TNRC6B: variants seen among roughly 807,000 people sequenced by gnomAD.
TNRC6B encodes trinucleotide repeat-containing gene 6B protein.
A neutral mutation model predicts 203.6 loss-of-function variants in TNRC6B; 52 were observed. That is an observed-to-expected ratio of 0.26 (90% CI 0.20 to 0.32). The LOEUF (loss-of-function observed/expected upper bound fraction) is 0.32. Among genes scored for constraint, TNRC6B ranks in the 10% least tolerant of loss-of-function variants. The probability of loss-of-function intolerance (pLI) is 1.00; values close to 1 mark genes in which losing one functional copy is unlikely to be tolerated. For synonymous variants in TNRC6B, 838 were observed against 845.7 expected (o/e 0.99, Z 0.16); for missense variants, 1,923 against 2,286.2 (o/e 0.84, Z 3.24).
intron 8 of TNRC6B, among the ~76,000 whole-genome samples, 197 bp downstream of exon 8, chr22:40,277,348 T>C (rs2070658172): frequency 6.6e-6 from 1 of 152,238 alleles, no homozygotes; most frequent in African/African-American, 2.4e-5. Flanking sequence ...TTAAAGGTTA[T>C]GGCTTTTAAA....
At chr22:40,233,244 C>G (rs181452916) in intron 1 of TNRC6B, among the ~76,000 whole-genome samples, 88 of 152,120 alleles carry the variant, frequency 5.8e-4, no homozygotes, top group African/African-American at 2.1e-3. Context: ...AATTGCTAAA[C>G]CCTGGGGCCG....
chr22:40,106,918 A>C, intron 1 of TNRC6B: 1 of 1,003,306 alleles, frequency 1.0e-6, no homozygotes, highest in Non-Finnish European at 1.6e-6. Flanking sequence ...TTTCATGGAT[A>C]AACTTCCTCC....
At position 40,331,493 on chromosome 22, in the gene TNRC6B, C is replaced by G; in HGVS notation, c.*8252C>G. On this transcript the variant is annotated 3_prime_UTR_variant, in exon 23 of 23. Transcript: ENST00000454349. ...GAGCTCCCCCAAAGAGGAGAACAGT[C>G]CCTCCCACTCGATTCCTTCAGCTTC... 2 of 365,752 alleles carry G rather than the reference C, an allele frequency of 5.5e-6. No individual in the cohort carries two copies. The highest frequency in any genetic ancestry group is 9.4e-5 in the Admixed American group (2 of 21,238). 22.7% of individuals were successfully genotyped at this position (365,752 alleles called of 1,614,324 possible). A position where few individuals can be genotyped will look rare whatever the true frequency, so the allele number is the denominator to read the frequency against.
At chr22:40,230,548 T>C (rs1298890935) in intron 1 of TNRC6B, among the ~76,000 whole-genome samples, 2 of 152,114 alleles carry the variant, frequency 1.3e-5, no homozygotes, top group Non-Finnish European at 2.9e-5. Flanking sequence ...CACATCGGCC[T>C]CCAAGAGTGC....
chr22:40,295,749 TA>T (rs1480084873), intron 12 of TNRC6B, among the ~76,000 whole-genome samples: 4 of 152,144 alleles, frequency 2.6e-5, no homozygotes, highest in Admixed American at 2.6e-4. Flanking sequence ...TGAGGTAGAT[TA>T]AAAGAACCTT....
intron 3 of TNRC6B, among the ~76,000 whole-genome samples, chr22:40,153,568 A>G (rs765082853): frequency 2.0e-5 from 3 of 151,760 alleles, no homozygotes; most frequent in Non-Finnish European, 4.4e-5. Context: ...AAACAAAAAG[A>G]ATAAGAAGAG....
chr22:40,131,208 T>C (rs1032138762), intron 3 of TNRC6B, among the ~76,000 whole-genome samples: 3 of 152,106 alleles, frequency 2.0e-5, no homozygotes, highest in Admixed American at 6.6e-5. Context: ...GCTGAGCCAC[T>C]GTGCCCAGCG....
At chr22:40,087,717 G>C (rs2068112398) in intron 1 of TNRC6B, among the ~76,000 whole-genome samples, 1 of 152,174 alleles carries the variant, frequency 6.6e-6, no homozygotes, top group Admixed American at 6.5e-5. Flanking sequence ...AGCTATGTGT[G>C]AAGGTCCTGA....
chr22:40,129,198 A>G (rs1029126292), intron 3 of TNRC6B, among the ~76,000 whole-genome samples: 2 of 152,124 alleles, frequency 1.3e-5, no homozygotes, highest in Non-Finnish European at 2.9e-5. Flanking sequence ...ACAGGAGGTT[A>G]GAGAGAGAGA....
chr22:40,174,813 A>G (rs2069040391), upstream of TNRC6B, among the ~76,000 whole-genome samples: 1 of 151,056 alleles, frequency 6.6e-6, no homozygotes, highest in Non-Finnish European at 1.5e-5. Flanking sequence ...CGACAAAGCG[A>G]GACTCCATCT....
intron 1 of TNRC6B, among the ~76,000 whole-genome samples, chr22:40,225,467 G>A (rs986297889): frequency 5.9e-5 from 9 of 152,184 alleles, no homozygotes; most frequent in Middle Eastern, 6.3e-3. Flanking sequence ...AGTGGCTCAC[G>A]CCAGTAATCC....
At chr22:40,156,491 A>G (rs1050023946) in intron 4 of TNRC6B, among the ~76,000 whole-genome samples, 2 of 151,756 alleles carry the variant, frequency 1.3e-5, no homozygotes, top group African/African-American at 4.8e-5. Context: ...AAGAAAGTAT[A>G]AAATGGTACA....
chr22:40,234,037 A>G (rs574193580), intron 1 of TNRC6B, among the ~76,000 whole-genome samples: 1 of 152,320 alleles, frequency 6.6e-6, no homozygotes, highest in Admixed American at 6.5e-5. Context: ...TGTAATCCCA[A>G]CAGTTTGAGA....
intron 1 of TNRC6B, among the ~76,000 whole-genome samples, chr22:40,188,368 T>G (rs1373517722): frequency 6.6e-6 from 1 of 152,188 alleles, no homozygotes; most frequent in Non-Finnish European, 1.5e-5. Flanking sequence ...CTGTCAGAGT[T>G]TGGGATATCA....
intron 4 of TNRC6B, among the ~76,000 whole-genome samples, chr22:40,262,816 G>T (rs1350623989): frequency 6.6e-6 from 1 of 152,078 alleles, no homozygotes; most frequent in African/African-American, 2.4e-5. Flanking sequence ...GAGGCGGGTG[G>T]ATCACCAGGT....
intron 2 of TNRC6B, among the ~76,000 whole-genome samples, chr22:40,124,027 G>T (rs903966690): frequency 6.6e-6 from 1 of 151,960 alleles, no homozygotes; most frequent in Non-Finnish European, 1.5e-5. Flanking sequence ...GATTAAGCTG[G>T]GAGCAAGTGA....
At chr22:40,115,563 A>G (rs1568988090) in intron 1 of TNRC6B, among the ~76,000 whole-genome samples, 2 of 152,204 alleles carry the variant, frequency 1.3e-5, no homozygotes, top group Non-Finnish European at 2.9e-5. Context: ...ACTCTACCCA[A>G]TACCAAATTC....
chr22:40,070,434 G>C (rs571452853), intron 1 of TNRC6B, among the ~76,000 whole-genome samples: 1 of 152,142 alleles, frequency 6.6e-6, no homozygotes, highest in Non-Finnish European at 1.5e-5. Context: ...GGTGAAGCTC[G>C]TTGACAGAGA....
At chr22:40,287,804 G>T (rs1407735786) in intron 12 of TNRC6B, among the ~76,000 whole-genome samples, 1 of 152,236 alleles carries the variant, frequency 6.6e-6, no homozygotes, top group African/African-American at 2.4e-5. Context: ...GTTGGTGGCA[G>T]AGGGGTGGGT....
Sources: gnomAD v4.1 joint callset for allele counts (sites outside exome capture counted in the v4.1 genomes callset) on GRCh38, gnomAD v4.1.1 for gene constraint, MANE v1.5 for transcripts, NCBI Gene and HGNC (gene_info 2026-07-23, HGNC 2026-07-21) for gene names.